PMS1: variants seen among roughly 807,000 people sequenced by gnomAD.
PMS1 encodes the protein PMS1 homolog 1, mismatch repair system component, also known as PMS1 protein homolog 1.
Under a neutral mutation model 93.1 loss-of-function variants are expected in PMS1, and 79 were observed. The ratio of observed to expected loss-of-function variants is 0.85; its 90% confidence interval spans 0.71 to 1.02. PMS1 has a LOEUF of 1.02. Ranked by LOEUF, PMS1 falls within the 50% of genes least tolerant of loss-of-function variation. PMS1 has a pLI of 0.00. For synonymous variants in PMS1, 335 were observed against 363.4 expected (o/e 0.92, Z 0.89); for missense variants, 1,064 against 1,085.3 (o/e 0.98, Z 0.28).
At position 189,868,738 on chromosome 2, in the gene PMS1, A is replaced by G. The variant is rs369678107; in HGVS notation, c.2473+809A>G. On this transcript the variant is annotated intron_variant, in intron 11 of 12. Coordinates refer to ENST00000441310, the MANE Select transcript of PMS1 (RefSeq NM_000534.5). Reference sequence around the variant, plus strand: ...TGAGATATGAAAATAAGTAAAAACAATGTACAAAAGCATGGAGCTGGGTAT... The same window carrying G: ...TGAGATATGAAAATAAGTAAAAACAGTGTACAAAAGCATGGAGCTGGGTAT... 8.5e-5 allele frequency among the ~76,000 whole-genome samples: 13 copies of G among 152,252 alleles called. No individual in the cohort carries two copies. The East Asian group carries it at 2.1e-3, about 25-fold the overall frequency.
Position 189,854,495 on chromosome 2 carries a change from A to G in PMS1, c.1223A>G (p.Asn408Ser). 6.2e-7 allele frequency: 1 copy of G among 1,613,720 alleles called. No individual in the cohort carries two copies. The highest frequency in any genetic ancestry group is 8.5e-7 in the Non-Finnish European group (1 of 1,179,768). Reference sequence around the variant, plus strand: ...GGAAAAAACACTGATGATTGTTTAAATCACCAGATAAGTATTGGTGACTTT... The same window carrying G: ...GGAAAAAACACTGATGATTGTTTAAGTCACCAGATAAGTATTGGTGACTTT... ...ESGKNTDDCL[N>S]HQISIGDFGY... is the part of the protein sequence containing the mutation. Residue 408 changes from asparagine to serine, a missense_variant, in exon 9 of 13, where the codon AAT (asparagine) becomes AGT (serine). Asn to Ser is a conservative substitution (Grantham distance 46). Transcript: ENST00000441310.
chr2:189,847,107 G>T (rs150503613), intron 6 of PMS1, among the ~76,000 whole-genome samples: 1 of 151,752 alleles, frequency 6.6e-6, no homozygotes, highest in African/African-American at 2.4e-5. Flanking sequence ...TGATCCACCC[G>T]CCTCGGCCCC....
intron 6 of PMS1, among the ~76,000 whole-genome samples, chr2:189,849,623 T>C (rs2054527905): frequency 6.6e-6 from 1 of 152,164 alleles, no homozygotes; most frequent in Non-Finnish European, 1.5e-5. Context: ...TTTATTGTTT[T>C]TGTTGCTTTG....
At position 189,854,704 on chromosome 2, in the gene PMS1, AG is replaced by A; in HGVS notation, c.1433del (p.Ser478MetfsTer38). On this transcript the variant is annotated frameshift_variant, in exon 9 of 13. Transcript: ENST00000441310. LOFTEE classifies it high-confidence loss of function. ...TGGCAATAAAGACCATATAGATGAG[AG>A]TGGGGAAAATGAGGAAGAAGCAGGT... is the stretch of plus-strand genomic sequence containing the variant. ...ENGNKDHIDE[S>X]GENEEEAGLE... The A allele has an allele frequency of 6.2e-7, 1 of 1,613,922 alleles. No individual in the cohort carries two copies. The highest frequency in any genetic ancestry group is 8.5e-7 in the Non-Finnish European group (1 of 1,179,874).
intron 4 of PMS1, among the ~76,000 whole-genome samples, chr2:189,816,404 T>C (rs886844426): frequency 6.6e-6 from 1 of 152,198 alleles, no homozygotes; most frequent in African/African-American, 2.4e-5. Flanking sequence ...GGTGAGAAAT[T>C]TGATGTTAGT....
intron 5 of PMS1, among the ~76,000 whole-genome samples, chr2:189,831,789 AT>A (rs907844252): frequency 1.2e-4 from 18 of 150,980 alleles, no homozygotes; most frequent in Non-Finnish European, 1.6e-4. Context: ...AAATTTAAAA[AT>A]TTTTTTTTTA....
At position 189,871,323 on chromosome 2, in the gene PMS1, A is replaced by G. The variant is rs193122773; in HGVS notation, c.2474-2173A>G. ...AATAGCTCATGAGCTTTAAAAAAAA[A>G]AATTGCAGAAAAAATCTCATGATGT... On this transcript the variant is annotated intron_variant, in intron 11 of 12. Transcript: ENST00000441310. 2.0e-3 allele frequency among the ~76,000 whole-genome samples: 311 copies of G among 152,282 alleles called. 2 individuals are homozygous for G. Among genetic ancestry groups the G allele is most frequent in the African/African-American group, 6.9e-3 (285 of 41,560 alleles).
chr2:189,867,330 A>G, intron 10 of PMS1, among the ~76,000 whole-genome samples: 1 of 152,216 alleles, frequency 6.6e-6, no homozygotes. Context: ...CCTGCAGTAG[A>G]CTGAAGGAAG....
At chr2:189,842,983 C>T (rs2053940453) in intron 5 of PMS1, among the ~76,000 whole-genome samples, 1 of 136,822 alleles carries the variant, frequency 7.3e-6, no homozygotes, top group Non-Finnish European at 1.5e-5. Context: ...TATATACACA[C>T]ACACATATAT....
chr2:189,829,747 A>G (rs1256122046), intron 5 of PMS1, among the ~76,000 whole-genome samples: 3 of 152,202 alleles, frequency 2.0e-5, no homozygotes, highest in African/African-American at 4.8e-5. Flanking sequence ...CCTTAGGGTT[A>G]TTCTTCGCTA....
Position 189,865,057 on chromosome 2 carries a change from C to G in PMS1, c.2342+829C>G, listed in dbSNP as rs535692058. Among the ~76,000 whole-genome samples the G allele has an allele frequency of 5.9e-5, 9 of 151,892 alleles. 1 individual carries two copies. In the South Asian group the frequency reaches 1.9e-3, roughly 32 times the overall value. On this transcript the variant is annotated intron_variant, in intron 10 of 12. Coordinates refer to ENST00000441310, the MANE Select transcript of PMS1 (RefSeq NM_000534.5). Reference sequence around the variant, plus strand: ...GCAAAATTAGTTTAGAACAATTCCCCCTCCTATATCTTTCAATATCTCTCT... The same window carrying G: ...GCAAAATTAGTTTAGAACAATTCCCGCTCCTATATCTTTCAATATCTCTCT...
chr2:189,819,875 ACT>A (rs2051674349), intron 5 of PMS1, among the ~76,000 whole-genome samples: 2 of 151,838 alleles, frequency 1.3e-5, no homozygotes, highest in South Asian at 2.1e-4. Flanking sequence ...TTTAAGGAAA[ACT>A]CCAGCTTTCT....
At chr2:189,828,887 G>GAAAAGAA (rs2052675815) in intron 5 of PMS1, among the ~76,000 whole-genome samples, 1 of 117,860 alleles carries the variant, frequency 8.5e-6, no homozygotes, top group African/African-American at 2.9e-5. Flanking sequence ...GTGTGTCTCT[G>GAAAAGAA]AAAAAAAAAA....
At chr2:189,874,285 A>T (rs1035753964) in intron 12 of PMS1, among the ~76,000 whole-genome samples, 13 of 152,202 alleles carry the variant, frequency 8.5e-5, no homozygotes, top group Admixed American at 3.9e-4. Flanking sequence ...GAAGGGGTTT[A>T]AACTAATGCT....
In PMS1 at chr2:189,863,904, C is replaced by T. The variant is rs770849733; in HGVS notation, c.2018C>T (p.Ser673Phe). ...AAGCACAAGTTAAAAACCTCATTAT[C>T]TAATCAACCAAAACTTGATGAACTC... ...AQKHKLKTSL[S>F]NQPKLDELLQ... Residue 673 changes from serine (S) to phenylalanine (F), a missense_variant, in exon 10 of 13, where the codon TCT becomes TTT. Physicochemically the swap from Ser to Phe is radical, Grantham distance 155. Transcript: ENST00000441310. 3.1e-6 allele frequency: 5 copies of T among 1,613,706 alleles called. No homozygotes were observed. The East Asian group carries it at 8.9e-5, about 29-fold the overall frequency.
intron 5 of PMS1, among the ~76,000 whole-genome samples, chr2:189,833,417 A>G (rs1233241): frequency 0.018 from 2,691 of 152,198 alleles, 75 homozygotes; most frequent in African/African-American, 0.061. Context: ...CCCCGTCTCT[A>G]CTAAAAATAC....
chr2:189,872,618 T>C (rs2057245611), intron 11 of PMS1, among the ~76,000 whole-genome samples: 1 of 152,062 alleles, frequency 6.6e-6, no homozygotes, highest in Admixed American at 6.6e-5. Context: ...CTTTAGCTAG[T>C]TTCTAGTTTT....
Position 189,855,841 on chromosome 2 carries a change from A to G in PMS1, c.1856+713A>G, listed in dbSNP as rs550099269. 58 of 1,064,990 alleles carry G rather than the reference A, an allele frequency of 5.4e-5. No individual in the cohort carries two copies. In the South Asian group the frequency reaches 9.6e-4, roughly 18 times the overall value. The allele number at this position is 1,064,990 out of a possible 1,614,324, so 66.0% of individuals were successfully genotyped here. On this transcript the variant is annotated intron_variant, in intron 9 of 12. Transcript: ENST00000441310. Reference sequence around the variant, plus strand: ...TTAATTGACTTAGGACACTTAATATAAACACAAAATATTATGTTCTGGTGA... The same window carrying G: ...TTAATTGACTTAGGACACTTAATATGAACACAAAATATTATGTTCTGGTGA...
intron 6 of PMS1, among the ~76,000 whole-genome samples, chr2:189,846,196 A>C (rs968752972): frequency 6.6e-6 from 1 of 151,878 alleles, no homozygotes; most frequent in Non-Finnish European, 1.5e-5. Flanking sequence ...CAACATAGTA[A>C]GACCCTGTCT....
Sources: gnomAD v4.1 joint callset for allele counts (sites outside exome capture counted in the v4.1 genomes callset) on GRCh38, gnomAD v4.1.1 for gene constraint, MANE v1.5 for transcripts, NCBI Gene and HGNC (gene_info 2026-07-23, HGNC 2026-07-21) for gene names.